The following FRY variants were observed in gnomAD, a reference collection of about 807,000 sequenced individuals.
FRY encodes the protein FRY microtubule binding protein, also known as protein furry homolog.
FRY carries 128 observed loss-of-function variants against 348.4 expected under a neutral mutation model. The observed-to-expected ratio is 0.37, with a 90% confidence interval of 0.32 to 0.43. FRY has a LOEUF of 0.43. Among genes scored for constraint, FRY ranks in the 20% least tolerant of loss-of-function variants. The pLI, the probability that FRY is intolerant of heterozygous loss-of-function variation, is 1.00. For synonymous variants in FRY, 1,370 were observed against 1,374.7 expected (o/e 1.00, Z 0.08); for missense variants, 2,736 against 3,695.2 (o/e 0.74, Z 6.73).
intron 1 of FRY, among the ~76,000 whole-genome samples, chr13:32,047,658 C>T (rs1266641118): frequency 6.6e-6 from 1 of 151,768 alleles, no homozygotes; most frequent in South Asian, 2.1e-4. Flanking sequence ...GCAACCTCCA[C>T]CTCCTGGGTT....
chr13:32,130,452 TTGTGTGTGTGTGTG>T (rs58000380), intron 7 of FRY, among the ~76,000 whole-genome samples: 2 of 141,888 alleles, frequency 1.4e-5, no homozygotes, highest in Non-Finnish European at 3.0e-5. Flanking sequence ...TGGAAAGTGT[TTGTGTGTGTGTGTG>T]TGTGTGTGTG....
Position 32,124,796 on chromosome 13 carries a change from T to C in FRY, c.637T>C (p.Tyr213His), listed in dbSNP as rs1384323758. ...CTTGTCTAATTATACCCTACTTAGG[T>C]ACCTTGGTCCCAACACTGGCAATAT... ...AFKHFKYKEG[Y>H]LGPNTGNMHI... is the part of the protein sequence containing the mutation. The change falls in exon 7 of 61, where the codon TAC becomes CAC. Residue 213 changes from tyrosine to histidine, a missense_variant and splice_region_variant. Around this residue, in one of 9 missense-constraint regions of FRY, gnomAD observed 309 missense variants for 418.1 expected, o/e 0.74. Coordinates refer to ENST00000542859, the MANE Select transcript of FRY (RefSeq NM_023037.3). 6.2e-7 allele frequency: 1 copy of C among 1,608,506 alleles called. No individual in the cohort carries two copies. Among genetic ancestry groups the C allele is most frequent in the Non-Finnish European group, 8.5e-7 (1 of 1,174,928 alleles).
chr13:32,134,418 A>T (rs780440520), intron 8 of FRY, among the ~76,000 whole-genome samples: 1 of 152,220 alleles, frequency 6.6e-6, no homozygotes, highest in Non-Finnish European at 1.5e-5. Flanking sequence ...TGTCAGAGCG[A>T]ACAAGTAAAC....
At chr13:32,226,990 C>G (rs1475640996) in intron 39 of FRY, among the ~76,000 whole-genome samples, 1 of 152,186 alleles carries the variant, frequency 6.6e-6, no homozygotes, top group African/African-American at 2.4e-5. Context: ...TCTAGCTGCT[C>G]TAAGTCCTGA....
chr13:32,194,084 T>G, intron 28 of FRY, 59 bp from the exon 29 acceptor site: 1 of 1,489,968 alleles, frequency 6.7e-7, no homozygotes, highest in Non-Finnish European at 9.4e-7. Context: ...TATCTGTATC[T>G]TTCTCTAGAA....
rs770555172 is a variant in FRY at position 32,078,921 on chromosome 13, C to A, written c.158C>A (p.Pro53His). 6.2e-7 allele frequency: 1 copy of A among 1,613,848 alleles called. No individual in the cohort carries two copies. Among genetic ancestry groups the A allele is most frequent in the Non-Finnish European group, 8.5e-7 (1 of 1,179,742 alleles). Residue 53 changes from proline to histidine, a missense_variant, in exon 2 of 61, where the codon CCC (proline) becomes CAC (histidine). By Grantham distance (77) the Pro-to-His change is moderately conservative. Transcript: ENST00000542859. The part of the protein sequence containing the change: ...HREKGPPTML[P>H]INVDPDSKPG... ...GAGAAAGGGCCGCCAACCATGCTAC[C>A]CATCAATGTGGACCCAGACAGTAAA...
intron 2 of FRY, among the ~76,000 whole-genome samples, chr13:32,097,023 G>A (rs1330642169): frequency 6.6e-6 from 1 of 152,096 alleles, no homozygotes; most frequent in Non-Finnish European, 1.5e-5. Flanking sequence ...ATGCAAAAAT[G>A]TGTAAGTGTA....
At chr13:32,211,098 C>T in intron 34 of FRY, 64 bp downstream of exon 34, 2 of 1,420,062 alleles carry the variant, frequency 1.4e-6, no homozygotes, top group Non-Finnish European at 2.0e-6. Context: ...ATGTAGATTC[C>T]TGAAAGGATA....
At chr13:32,294,702 C>A in intron 60 of FRY, 132 bp downstream of exon 60, 1 of 736,840 alleles carries the variant, frequency 1.4e-6, no homozygotes, top group Non-Finnish European at 2.4e-6. Flanking sequence ...TTTACTGCTG[C>A]CAAACCAGAA....
Position 32,297,618 on chromosome 13 carries a change from G to A in FRY, c.*2158G>A, listed in dbSNP as rs528747705. 1 of 152,120 alleles carries A rather than the reference G, an allele frequency of 6.6e-6. No individual in the cohort carries two copies. Among genetic ancestry groups the A allele is most frequent in the South Asian group, 2.1e-4 (1 of 4,822 alleles). 9.4% of individuals were successfully genotyped at this position (152,120 alleles called of 1,614,324 possible). ...AAAAGGAGATGTATTAATGTGAAAG[G>A]TTTCTTCTACTTTTCCTCTATCTCT... On this transcript the variant is annotated 3_prime_UTR_variant, in exon 61 of 61. Transcript: ENST00000542859.
chr13:32,268,499 A>ATATAT (rs61001159), intron 55 of FRY, among the ~76,000 whole-genome samples: 10 of 15,992 alleles, frequency 6.3e-4, no homozygotes, highest in East Asian at 4.2e-3. Flanking sequence ...AAAAAAAAAA[A>ATATAT]AAAAAAATAT....
At chr13:32,268,492 AAAAAAAAAAAAAAATATATATAT>A (rs986973876) in intron 55 of FRY, among the ~76,000 whole-genome samples, 18 of 15,748 alleles carry the variant, frequency 1.1e-3, no homozygotes, top group South Asian at 4.0e-3. Flanking sequence ...AGTTTAAAAA[AAAAAAAAAAAAAAATATATATAT>A]ATATATATAT....
At chr13:32,275,146 A>T in intron 56 of FRY, 155 bp downstream of exon 56, 1 of 623,490 alleles carries the variant, frequency 1.6e-6, no homozygotes, top group Non-Finnish European at 3.0e-6. Context: ...TGGGAGGCCG[A>T]GGTGGGCGGA....
rs372023103 is a variant in FRY, at chr13:32,049,498, G to T, written c.70+17633G>T. On this transcript the variant is annotated intron_variant, in intron 1 of 60. Coordinates refer to ENST00000542859, the MANE Select transcript of FRY (RefSeq NM_023037.3). Reference sequence around the variant, plus strand: ...TCTGTCGGCTGGAGTGCAGTGGCACGATCTCAGCTCACTGCAAGCTCCGCC... The same window carrying T: ...TCTGTCGGCTGGAGTGCAGTGGCACTATCTCAGCTCACTGCAAGCTCCGCC... 4.6e-5 allele frequency among the ~76,000 whole-genome samples: 7 copies of T among 152,106 alleles called. No individual in the cohort carries two copies. The East Asian group carries it at 1.3e-3, about 29-fold the overall frequency.
intron 4 of FRY, among the ~76,000 whole-genome samples, chr13:32,120,501 A>G (rs1050688919): frequency 2.0e-5 from 3 of 151,678 alleles, no homozygotes; most frequent in African/African-American, 7.2e-5. Flanking sequence ...ATTGGGGTAC[A>G]GGTGGTATTT....
In FRY at chr13:32,237,766, G is replaced by A; in HGVS notation, c.6198G>A (p.Leu2066=). The change falls in exon 44 of 61, where the codon CTG becomes CTA. Residue 2066 remains leucine, a synonymous_variant. Transcript: ENST00000542859. This position sits in a 1 kb window ranked among gnomAD's most constrained non-coding sequence, Gnocchi z 6.3. ...TTGAATACTTAATGGCCTTAAGGCT[G>A]TTGAGCAGACTACTGGCACATATGC... ...FEFEYLMALR[L]LSRLLAHMPL... is the part of the protein sequence containing the mutation. 2 of 1,614,172 alleles carry A rather than the reference G, an allele frequency of 1.2e-6. No homozygotes were observed. The highest frequency in any genetic ancestry group is 1.1e-5 in the South Asian group (1 of 91,080).
intron 3 of FRY, among the ~76,000 whole-genome samples, chr13:32,110,856 G>T (rs1415218636): frequency 6.6e-6 from 1 of 152,192 alleles, no homozygotes; most frequent in Non-Finnish European, 1.5e-5. Flanking sequence ...GCATAATAAA[G>T]TCTGATTACT....
chr13:32,262,430 T>C lies in FRY; in HGVS notation c.7734T>C (p.Ala2578=). 1 of 1,613,744 alleles carries C rather than the reference T, an allele frequency of 6.2e-7. No individual in the cohort carries two copies. Among genetic ancestry groups the C allele is most frequent in the Non-Finnish European group, 8.5e-7 (1 of 1,179,650 alleles). The stretch of plus-strand genomic sequence containing the variant: ...ACACCAGAATGTCCAGCTTTGATGC[T>C]TCCTTGCCTGATATGAATAATCTGC... ...SFNTRMSSFD[A]SLPDMNNLQI... is the part of the protein sequence containing the mutation. The change falls in exon 53 of 61, where the codon GCT becomes GCC. Residue 2578 remains alanine, a synonymous_variant. Coordinates refer to ENST00000542859, the MANE Select transcript of FRY (RefSeq NM_023037.3).
intron 35 of FRY, among the ~76,000 whole-genome samples, chr13:32,214,004 A>G (rs1336659630): frequency 6.6e-6 from 1 of 152,252 alleles, no homozygotes; most frequent in Non-Finnish European, 1.5e-5. Flanking sequence ...CATACATGTC[A>G]GATTCTTTTA....
Sources: gnomAD v4.1 joint callset for allele counts (sites outside exome capture counted in the v4.1 genomes callset) on GRCh38, gnomAD v4.1.1 for gene constraint, gnomAD v4.1.1 regional missense constraint, Gnocchi (gnomAD v3.1) non-coding constraint, MANE v1.5 for transcripts, NCBI Gene and HGNC (gene_info 2026-07-23, HGNC 2026-07-21) for gene names.